NTNG1: variants seen among roughly 807,000 people sequenced by gnomAD.
The protein encoded by NTNG1 is netrin-G1.
A neutral mutation model predicts 54.0 loss-of-function variants in NTNG1; 16 were observed. That is an observed-to-expected ratio of 0.30 (90% CI 0.20 to 0.45). The LOEUF is 0.45. Ranked by LOEUF, NTNG1 falls within the 20% of genes least tolerant of loss-of-function variation. NTNG1 has a pLI of 1.00. For missense variants in NTNG1, 530 were observed against 678.7 expected (o/e 0.78, Z 2.43); for synonymous variants, 255 against 263.1 (o/e 0.97, Z 0.30).
rs139992870 is a variant in NTNG1 at position 107,179,120 on chromosome 1, G to A, written c.246+30281G>A. Reference sequence around the variant, plus strand: ...GGCCCTGAAAGATGGGCTCTTTAGAGGGGGACAGTGAATAACTAGGAACAA... The same window carrying A: ...GGCCCTGAAAGATGGGCTCTTTAGAAGGGGACAGTGAATAACTAGGAACAA... On this transcript the variant is annotated intron_variant, in intron 2 of 7. Coordinates refer to ENST00000370068, the MANE Select transcript of NTNG1 (RefSeq NM_001113226.3). 9.5e-4 allele frequency among the ~76,000 whole-genome samples: 144 copies of A among 152,308 alleles called. 1 individual carries two copies. In the East Asian group the frequency reaches 0.023, roughly 25 times the overall value.
intron 5 of NTNG1, among the ~76,000 whole-genome samples, chr1:107,428,516 C>G (rs1053894612): frequency 1.3e-5 from 2 of 151,864 alleles, no homozygotes; most frequent in Admixed American, 6.6e-5. Flanking sequence ...TTAGATGTAC[C>G]AAGAACCAAC....
intron 2 of NTNG1, among the ~76,000 whole-genome samples, chr1:107,173,082 T>TGTA (rs1656375040): frequency 6.6e-6 from 1 of 152,126 alleles, no homozygotes; most frequent in Non-Finnish European, 1.5e-5. Flanking sequence ...ATAATGGCTC[T>TGTA]GTAGTAGGAA....
At chr1:107,261,989 AG>A (rs1663379711) in intron 2 of NTNG1, among the ~76,000 whole-genome samples, 1 of 152,236 alleles carries the variant, frequency 6.6e-6, no homozygotes, top group African/African-American at 2.4e-5. Context: ...ATTACATTCT[AG>A]GAGTTTACTC....
At position 107,268,533 on chromosome 1, in the gene NTNG1, C is replaced by G. The variant is rs567201735; in HGVS notation, c.247-55749C>G. Among the ~76,000 whole-genome samples the G allele has an allele frequency of 2.6e-5, 4 of 151,558 alleles. No individual in the cohort carries two copies. In the South Asian group the frequency reaches 6.2e-4, roughly 24 times the overall value. ...TCTTTACTGGTTTCCCCTTATCCCCCAACCTCTTAAGGTACACTGTGTTTC... is the reference window on the plus strand; with the variant it reads ...TCTTTACTGGTTTCCCCTTATCCCCGAACCTCTTAAGGTACACTGTGTTTC... On this transcript the variant is annotated intron_variant, in intron 2 of 7. Coordinates refer to ENST00000370068, the MANE Select transcript of NTNG1 (RefSeq NM_001113226.3).
intron 5 of NTNG1, chr1:107,418,538 T>C (rs1674364665): frequency 1.4e-6 from 2 of 1,390,338 alleles, no homozygotes; most frequent in Non-Finnish European, 2.0e-6. Flanking sequence ...AATGACATTA[T>C]AGCTGAAAAT....
rs1274221575 is a variant in NTNG1, at chr1:107,396,050, A to G, written c.1060+724A>G. 3.3e-5 allele frequency among the ~76,000 whole-genome samples: 5 copies of G among 152,362 alleles called. No homozygotes were observed. In the East Asian group the frequency reaches 9.6e-4, roughly 29 times the overall value. On this transcript the variant is annotated intron_variant, in intron 4 of 7. Coordinates refer to ENST00000370068, the MANE Select transcript of NTNG1 (RefSeq NM_001113226.3). ...GGAAAACAGGCTCTGACATGCTCAC[A>G]GAGAAATGTGATTATTTGCTGAATA...
intron 5 of NTNG1, among the ~76,000 whole-genome samples, chr1:107,419,205 T>C (rs1464004318): frequency 2.0e-5 from 3 of 150,680 alleles, no homozygotes. Flanking sequence ...TCACTCCCTG[T>C]CTCCTCTCTC....
chr1:107,262,079 C>T (rs1336600957), intron 2 of NTNG1, among the ~76,000 whole-genome samples: 2 of 152,304 alleles, frequency 1.3e-5, no homozygotes, highest in South Asian at 2.1e-4. Flanking sequence ...GTTAATGTAC[C>T]TAAGTGCTGT....
chr1:107,281,600 A>G (rs767568450), intron 2 of NTNG1, among the ~76,000 whole-genome samples: 1 of 152,092 alleles, frequency 6.6e-6, no homozygotes, highest in Non-Finnish European at 1.5e-5. Flanking sequence ...ATTTTCCTCA[A>G]TTAGATATTA....
chr1:107,229,400 A>G (rs1660904535), intron 2 of NTNG1, among the ~76,000 whole-genome samples: 3 of 151,028 alleles, frequency 2.0e-5, no homozygotes, highest in Admixed American at 6.6e-5. Flanking sequence ...GGCTAAGATC[A>G]AGTGCAAAAG....
At chr1:107,197,238 A>T (rs976648743) in intron 2 of NTNG1, among the ~76,000 whole-genome samples, 1 of 151,996 alleles carries the variant, frequency 6.6e-6, no homozygotes, top group Admixed American at 6.6e-5. Context: ...AGCCTTAGTT[A>T]CAAGGGTCAG....
chr1:107,416,553 T>C (rs77676368), intron 5 of NTNG1, among the ~76,000 whole-genome samples: 2,363 of 151,968 alleles, frequency 0.016, 67 homozygotes, highest in African/African-American at 0.053. Flanking sequence ...CTCAGCACCC[T>C]GTGGGAAAAA....
chr1:107,458,564 G>C (rs190994470), intron 7 of NTNG1, among the ~76,000 whole-genome samples: 54 of 152,256 alleles, frequency 3.5e-4, no homozygotes, highest in Admixed American at 2.5e-3. Flanking sequence ...AATGAGCAAA[G>C]TGTGCACTGC....
chr1:107,293,939 A>C (rs756485921), intron 2 of NTNG1, among the ~76,000 whole-genome samples: 7 of 151,944 alleles, frequency 4.6e-5, no homozygotes, highest in Non-Finnish European at 7.4e-5. Context: ...ATGATTTTTT[A>C]AGTATATTGG....
chr1:107,391,491 A>C (rs1351314314), intron 3 of NTNG1, among the ~76,000 whole-genome samples: 1 of 152,164 alleles, frequency 6.6e-6, no homozygotes, highest in Admixed American at 6.5e-5. Flanking sequence ...GGAAGAGTGC[A>C]TTAGTCCATT....
intron 3 of NTNG1, among the ~76,000 whole-genome samples, chr1:107,361,692 A>G (rs1023014896): frequency 4.6e-5 from 7 of 152,082 alleles, no homozygotes; most frequent in Non-Finnish European, 5.9e-5. Context: ...CCAGCCAGAA[A>G]AAAGCAAATA....
intron 1 of NTNG1, chr1:107,143,088 C>T (rs1204684137): frequency 6.6e-6 from 1 of 151,852 alleles, no homozygotes; most frequent in East Asian, 1.9e-4. Context: ...TTCTGGATGC[C>T]GTGAAATGAG....
rs567357293 is a variant in NTNG1, at chr1:107,286,497, G to A, written c.247-37785G>A. Among the ~76,000 whole-genome samples, 105 of 152,232 alleles carry A rather than the reference G, an allele frequency of 6.9e-4. No individual in the cohort carries two copies. The South Asian group carries it at 0.014, about 20-fold the overall frequency. Reference sequence around the variant, plus strand: ...GTACCCATTAATGAACGCCGTGGAGGATTGCATGCTTACCATTCATTTTCT... The same window carrying A: ...GTACCCATTAATGAACGCCGTGGAGAATTGCATGCTTACCATTCATTTTCT... On this transcript the variant is annotated intron_variant, in intron 2 of 7. Coordinates refer to ENST00000370068, the MANE Select transcript of NTNG1 (RefSeq NM_001113226.3).
intron 2 of NTNG1, among the ~76,000 whole-genome samples, chr1:107,156,318 T>C (rs1232455787): frequency 2.0e-5 from 3 of 152,206 alleles, no homozygotes; most frequent in Non-Finnish European, 2.9e-5. Context: ...CTCTCTCTTT[T>C]TCTGTAGACT....
Sources: gnomAD v4.1 joint callset for allele counts (sites outside exome capture counted in the v4.1 genomes callset) on GRCh38, gnomAD v4.1.1 for gene constraint, MANE v1.5 for transcripts, NCBI Gene and HGNC (gene_info 2026-07-23, HGNC 2026-07-21) for gene names.